Variants in TMEM132B observed in about 807,000 individuals in gnomAD.
The protein encoded by TMEM132B is transmembrane protein 132B.
A neutral mutation model predicts 90.8 loss-of-function variants in TMEM132B; 18 were observed. The observed-to-expected ratio is 0.20, with a 90% confidence interval of 0.14 to 0.29. The LOEUF is 0.29. TMEM132B is among the 10% of genes least tolerant of loss of function. The pLI is 1.00. For missense variants in TMEM132B, 1,096 were observed against 1,326.8 expected (o/e 0.83, Z 2.70); for synonymous variants, 504 against 523.3 (o/e 0.96, Z 0.50).
chr12:125,411,785 T>G (rs1879854262), intron 2 of TMEM132B, among the ~76,000 whole-genome samples: 1 of 152,148 alleles, frequency 6.6e-6, no homozygotes, highest in African/African-American at 2.4e-5. Context: ...ACCTTGGTCT[T>G]TCCTCTGCTT....
At chr12:125,195,071 A>C (rs1171551511) in intron 1 of TMEM132B, among the ~76,000 whole-genome samples, 1 of 152,122 alleles carries the variant, frequency 6.6e-6, no homozygotes, top group Non-Finnish European at 1.5e-5. Flanking sequence ...CCTTTCTGTA[A>C]AATGGGCTCT....
intron 2 of TMEM132B, among the ~76,000 whole-genome samples, chr12:125,367,080 TTCTTTTACA>T (rs1329866516): frequency 6.6e-6 from 1 of 152,216 alleles, no homozygotes; most frequent in Non-Finnish European, 1.5e-5. Flanking sequence ...AGAGCGTATT[TTCTTTTACA>T]TCACTGATGA....
intron 1 of TMEM132B, among the ~76,000 whole-genome samples, chr12:125,233,607 ACTTG>A (rs1329633367): frequency 4.6e-5 from 7 of 152,210 alleles, no homozygotes; most frequent in African/African-American, 1.7e-4. Context: ...CCTCAAATAA[ACTTG>A]GGGTTCCCTT....
intron 3 of TMEM132B, among the ~76,000 whole-genome samples, chr12:125,449,798 GTAAGTAAA>G (rs1881102399): frequency 6.6e-6 from 1 of 151,992 alleles, no homozygotes; most frequent in African/African-American, 2.4e-5. Flanking sequence ...TGGTGTCCTT[GTAAGTAAA>G]TATGTTTTAT....
chr12:125,363,231 GT>G (rs1482859220), intron 2 of TMEM132B, among the ~76,000 whole-genome samples: 1 of 152,114 alleles, frequency 6.6e-6, no homozygotes, highest in African/African-American at 2.4e-5. Flanking sequence ...TTGAACAAGG[GT>G]CCCCAGAGTT....
intron 1 of TMEM132B, among the ~76,000 whole-genome samples, chr12:125,202,145 A>G (rs991052307): frequency 1.3e-5 from 2 of 152,244 alleles, no homozygotes; most frequent in Non-Finnish European, 2.9e-5. Flanking sequence ...GGTTGAGCAC[A>G]TGGCCTAAGC....
intron 2 of TMEM132B, among the ~76,000 whole-genome samples, chr12:125,361,210 T>TA (rs1277971619): frequency 1.3e-5 from 2 of 152,074 alleles, no homozygotes; most frequent in Non-Finnish European, 2.9e-5. Flanking sequence ...ATGAGTTTCT[T>TA]ATGTACGTTG....
chr12:125,232,134 A>G (rs1873841244), intron 1 of TMEM132B, among the ~76,000 whole-genome samples: 1 of 152,202 alleles, frequency 6.6e-6, no homozygotes, highest in South Asian at 2.1e-4. Context: ...CATCGTCTTC[A>G]TATATTATAA....
At chr12:125,382,100 T>G (rs1878701925) in intron 2 of TMEM132B, among the ~76,000 whole-genome samples, 3 of 152,230 alleles carry the variant, frequency 2.0e-5, no homozygotes, top group African/African-American at 7.2e-5. Flanking sequence ...AGAAAGGATT[T>G]CTGTTGTTTG....
intron 1 of TMEM132B, among the ~76,000 whole-genome samples, chr12:125,227,671 C>A (rs1244197693): frequency 6.6e-6 from 1 of 152,154 alleles, no homozygotes; most frequent in Non-Finnish European, 1.5e-5. Context: ...AGCTTAGGGA[C>A]CAAGGCAGAT....
At chr12:125,473,217 G>A (rs57973970) in intron 3 of TMEM132B, among the ~76,000 whole-genome samples, 16,055 of 152,128 alleles carry the variant, frequency 0.11, 1,014 homozygotes, top group East Asian at 0.2. Flanking sequence ...TTCCAAGGAT[G>A]CATTCCCTGC....
intron 1 of TMEM132B, among the ~76,000 whole-genome samples, chr12:125,219,976 G>GT (rs1340775819): frequency 1.3e-5 from 2 of 151,980 alleles, no homozygotes; most frequent in African/African-American, 4.8e-5. Flanking sequence ...AGTATTTGCC[G>GT]TAAGTATTTA....
At chr12:125,383,705 C>G (rs776042916) in intron 2 of TMEM132B, among the ~76,000 whole-genome samples, 2 of 152,136 alleles carry the variant, frequency 1.3e-5, no homozygotes, top group African/African-American at 2.4e-5. Flanking sequence ...AATGGAAAGC[C>G]AGCATCACTC....
rs1887196134 is a variant in TMEM132B at position 125,661,040 on chromosome 12, T to A, written c.*6330T>A. On this transcript the variant is annotated 3_prime_UTR_variant, in exon 9 of 9. Coordinates refer to ENST00000682704, the MANE Select transcript of TMEM132B (RefSeq NM_001366854.1). ...CTGAAATAACTTTTGACCTGACACA[T>A]CTTTCTGTACTTCCTGTGGCCAAAA... The A allele has an allele frequency of 6.6e-6, 1 of 152,206 alleles. No homozygotes were observed. The highest frequency in any genetic ancestry group is 1.5e-5 in the Non-Finnish European group (1 of 68,036). 9.4% of individuals were successfully genotyped at this position (152,206 alleles called of 1,614,324 possible).
intron 1 of TMEM132B, among the ~76,000 whole-genome samples, chr12:125,214,890 C>A (rs938556408): frequency 6.6e-6 from 1 of 152,206 alleles, no homozygotes; most frequent in Non-Finnish European, 1.5e-5. Context: ...AGACTGAGGG[C>A]ATTGCTTCCC....
chr12:125,304,678 T>G (rs1474185279), intron 1 of TMEM132B, among the ~76,000 whole-genome samples: 1 of 152,150 alleles, frequency 6.6e-6, no homozygotes, highest in African/African-American at 2.4e-5. Flanking sequence ...AAAAATTTTC[T>G]TCTTTAGCAA....
intron 1 of TMEM132B, among the ~76,000 whole-genome samples, chr12:125,272,145 G>T (rs1351668603): frequency 6.6e-6 from 1 of 152,214 alleles, no homozygotes; most frequent in Non-Finnish European, 1.5e-5. Context: ...GATTACAGGA[G>T]AATTAAGAAA....
intron 2 of TMEM132B, among the ~76,000 whole-genome samples, chr12:125,389,101 G>T (rs985623996): frequency 6.6e-6 from 1 of 151,580 alleles, no homozygotes; most frequent in African/African-American, 2.4e-5. Context: ...TGGGTGTTGA[G>T]GATACAGCTA....
chr12:125,236,416 C>A (rs1269946036), intron 1 of TMEM132B, among the ~76,000 whole-genome samples: 1 of 152,192 alleles, frequency 6.6e-6, no homozygotes, highest in Non-Finnish European at 1.5e-5. Context: ...CTTGGCCTCC[C>A]AAATTCTTGG....
Sources: gnomAD v4.1 joint callset for allele counts (sites outside exome capture counted in the v4.1 genomes callset) on GRCh38, gnomAD v4.1.1 for gene constraint, MANE v1.5 for transcripts, NCBI Gene and HGNC (gene_info 2026-07-23, HGNC 2026-07-21) for gene names.